PRR5L: variants seen among roughly 807,000 people sequenced by gnomAD.
PRR5L encodes proline rich 5 like, also known as proline-rich protein 5-like.
In PRR5L, 21 loss-of-function variants were observed where a neutral mutation model predicts 36.4. The ratio of observed to expected loss-of-function variants is 0.58; its 90% CI spans 0.41 to 0.83. The LOEUF is 0.83. PRR5L is among the 40% of genes least tolerant of loss of function. The probability of loss-of-function intolerance (pLI) is 0.00; values close to 1 mark genes in which losing one functional copy is unlikely to be tolerated. For missense variants in PRR5L, 381 were observed against 473.3 expected (o/e 0.80, Z 1.81); for synonymous variants, 188 against 197.0 (o/e 0.95, Z 0.38).
At chr11:36,371,946 C>T (rs760310926) in intron 1 of PRR5L, among the ~76,000 whole-genome samples, 3 of 151,994 alleles carry the variant, frequency 2.0e-5, no homozygotes, top group African/African-American at 4.8e-5. Flanking sequence ...TAATCCCAGC[C>T]ACTTGGGAGG....
At chr11:36,446,618 A>T (rs1054486318) in intron 7 of PRR5L, among the ~76,000 whole-genome samples, 178 bp downstream of exon 7, 2 of 152,160 alleles carry the variant, frequency 1.3e-5, no homozygotes, top group Admixed American at 6.5e-5. Context: ...AGGTGCATTC[A>T]CTGAGCACCT....
At chr11:36,301,690 AC>A (rs1321123310) in intron 1 of PRR5L, among the ~76,000 whole-genome samples, 3 of 152,256 alleles carry the variant, frequency 2.0e-5, no homozygotes, top group East Asian at 3.9e-4. Context: ...CAGAGGGGAC[AC>A]CTTCCATTCC....
At chr11:36,328,806 A>G (rs1856690542) in intron 1 of PRR5L, among the ~76,000 whole-genome samples, 1 of 152,208 alleles carries the variant, frequency 6.6e-6, no homozygotes, top group South Asian at 2.1e-4. Flanking sequence ...GGATGTTCAG[A>G]AAAAATACTC....
intron 1 of PRR5L, among the ~76,000 whole-genome samples, chr11:36,361,693 A>C (rs1478662942): frequency 6.6e-6 from 1 of 152,228 alleles, no homozygotes; most frequent in Non-Finnish European, 1.5e-5. Context: ...ACTGAAAAAA[A>C]TGAGGTAAAG....
chr11:36,348,780 A>T (rs1187028809), intron 1 of PRR5L, among the ~76,000 whole-genome samples: 1 of 152,228 alleles, frequency 6.6e-6, no homozygotes, highest in Non-Finnish European at 1.5e-5. Context: ...ATATTGAATG[A>T]CATCACAACA....
chr11:36,303,762 A>G (rs1856401423), intron 1 of PRR5L, among the ~76,000 whole-genome samples: 2 of 152,260 alleles, frequency 1.3e-5, no homozygotes, highest in Non-Finnish European at 2.9e-5. Context: ...ACTGGAATGA[A>G]AAATTAAACA....
intron 1 of PRR5L, among the ~76,000 whole-genome samples, chr11:36,346,427 C>CA (rs1345972038): frequency 6.6e-6 from 1 of 151,896 alleles, no homozygotes; most frequent in Non-Finnish European, 1.5e-5. Flanking sequence ...ACTAAAAATA[C>CA]AAAAAATTAG....
At chr11:36,376,524 G>C (rs1251570015) in intron 1 of PRR5L, 1 of 1,028,386 alleles carries the variant, frequency 9.7e-7, no homozygotes, top group South Asian at 3.3e-5. Flanking sequence ...AGGGAGGGAC[G>C]GAGGGAGGGA....
At chr11:36,450,422 C>T (rs1357929152) in intron 7 of PRR5L, among the ~76,000 whole-genome samples, 1 of 152,190 alleles carries the variant, frequency 6.6e-6, no homozygotes, top group African/African-American at 2.4e-5. Flanking sequence ...TGAGTCCTTT[C>T]CAGCAAGAAG....
chr11:36,426,920 C>A (rs774683807), intron 4 of PRR5L, among the ~76,000 whole-genome samples: 1 of 152,142 alleles, frequency 6.6e-6, no homozygotes. Flanking sequence ...CTTGGTTATC[C>A]GTCTCATCTG....
chr11:36,424,469 TA>T lies in PRR5L; in HGVS notation c.294+5170del, dbSNP rs140714699. On this transcript the variant is annotated intron_variant, in intron 4 of 8. Transcript: ENST00000530639. ...GCTTAGGGCATTGATGGGGGAGGCATAAAAGGTAGGAGCAGATGCTGGAAAC... is the reference window on the plus strand; with the variant it reads ...GCTTAGGGCATTGATGGGGGAGGCATAAAGGTAGGAGCAGATGCTGGAAAC... Among the ~76,000 whole-genome samples the T allele has an allele frequency of 1.4e-4, 22 of 152,096 alleles. No homozygotes were observed. The East Asian group carries it at 3.3e-3, about 23-fold the overall frequency.
At chr11:36,394,062 T>A (rs971330366) in intron 1 of PRR5L, 5 of 152,208 alleles carry the variant, frequency 3.3e-5, no homozygotes, top group Non-Finnish European at 7.3e-5. Context: ...CTGTATTTTG[T>A]AATAGCAGTT....
chr11:36,409,942 C>T (rs2133569088), intron 3 of PRR5L, among the ~76,000 whole-genome samples: 1 of 152,270 alleles, frequency 6.6e-6, no homozygotes, highest in African/African-American at 2.4e-5. Context: ...CTGCAAGAGC[C>T]ACACAGAGCT....
chr11:36,342,480 C>T (rs1463696888), intron 1 of PRR5L, among the ~76,000 whole-genome samples: 3 of 152,182 alleles, frequency 2.0e-5, no homozygotes, highest in Non-Finnish European at 4.4e-5. Flanking sequence ...GCCAGGTCTA[C>T]CTCCAGTAAG....
chr11:36,397,310 C>T (rs1361279688), intron 1 of PRR5L, among the ~76,000 whole-genome samples: 2 of 151,986 alleles, frequency 1.3e-5, no homozygotes, highest in Non-Finnish European at 2.9e-5. Context: ...GAGATCTACC[C>T]ATCTTGGCCT....
At chr11:36,383,342 C>T (rs1023151661) in intron 1 of PRR5L, among the ~76,000 whole-genome samples, 26 of 152,210 alleles carry the variant, frequency 1.7e-4, no homozygotes, top group African/African-American at 6.0e-4. Flanking sequence ...TTCTTTGGCC[C>T]TCACAGTCAA....
intron 1 of PRR5L, among the ~76,000 whole-genome samples, chr11:36,298,707 G>T (rs1856341406): frequency 6.6e-6 from 1 of 152,146 alleles, no homozygotes; most frequent in Non-Finnish European, 1.5e-5. Context: ...CCCGGGAGTT[G>T]GGGGCCCCGG....
intron 4 of PRR5L, 141 bp downstream of exon 4, chr11:36,419,444 T>C: frequency 1.3e-6 from 1 of 748,670 alleles, no homozygotes; most frequent in Non-Finnish European, 2.4e-6. Flanking sequence ...GTGCTGCACG[T>C]TGCAGAGGGG....
Position 36,446,443 on chromosome 11 carries a change from G to T in PRR5L, c.585+3G>T. 1 of 1,614,040 alleles carries T rather than the reference G, an allele frequency of 6.2e-7. No homozygotes were observed. Among genetic ancestry groups the T allele is most frequent in the South Asian group, 1.1e-5 (1 of 91,082 alleles). Reference sequence around the variant, plus strand: ...TCCAGATGTTGCTCATCCTGCAGGTGAGGCTGTGCTGGAGACTTGCCCCAA... The same window carrying T: ...TCCAGATGTTGCTCATCCTGCAGGTTAGGCTGTGCTGGAGACTTGCCCCAA... On this transcript the variant is annotated splice_donor_region_variant and intron_variant, in intron 7 of 8. Transcript: ENST00000530639.
Sources: allele counts gnomAD v4.1 joint callset (sites outside exome capture counted in the v4.1 genomes callset), GRCh38; gene constraint gnomAD v4.1.1; transcripts MANE v1.5; gene names NCBI Gene and HGNC (gene_info 2026-07-23, HGNC 2026-07-21).